SETD1A: variants seen among roughly 807,000 people sequenced by gnomAD.
The protein encoded by SETD1A is histone-lysine N-methyltransferase SETD1A.
Under a neutral mutation model 149.9 loss-of-function variants are expected in SETD1A, and 29 were observed. That is an observed-to-expected ratio of 0.19 (90% CI 0.14 to 0.26). The LOEUF (loss-of-function observed/expected upper bound fraction) is 0.26. Among genes scored for constraint, SETD1A ranks in the 10% least tolerant of loss-of-function variants. The pLI, the probability that SETD1A is intolerant of heterozygous loss-of-function variation, is 1.00. For synonymous variants in SETD1A, 1,141 were observed against 968.5 expected, an observed-to-expected ratio of 1.18 and a Z score of -3.31; for missense variants, 2,109 against 2,353.1, an observed-to-expected ratio of 0.90 and a Z score of 2.15.
Position 30,980,381 on chromosome 16 carries a change from C to T in SETD1A, c.4409-104C>T. 2.0e-6 allele frequency: 3 copies of T among 1,478,578 alleles called. No homozygotes were observed. The highest frequency in any genetic ancestry group is 2.7e-6 in the Non-Finnish European group (3 of 1,095,628). The allele number at this position is 1,478,578 out of a possible 1,614,324, so 91.6% of individuals were successfully genotyped here. A position where few individuals can be genotyped will look rare whatever the true frequency, so the allele number is the denominator to read the frequency against. ...AACGATGGGGCTGGGGCTTCCTCCC[C>T]TGTCCCTCACCTGGGTATGCTCAGC... On this transcript the variant is annotated intron_variant, in intron 14 of 18. Transcript: ENST00000262519. This position sits in a 1 kb window ranked among gnomAD's most constrained non-coding sequence, Gnocchi z 7.7.
At chr16:30,963,393 A>C in intron 4 of SETD1A, 40 bp from the exon 5 acceptor site, 1 of 1,558,100 alleles carries the variant, frequency 6.4e-7, no homozygotes, top group Non-Finnish European at 8.7e-7. Context: ...AGGAGTTAGT[A>C]TCTCCATCTG....
At chr16:30,968,158 A>C (rs1031914466) in intron 10 of SETD1A, among the ~76,000 whole-genome samples, 7 of 152,172 alleles carry the variant, frequency 4.6e-5, no homozygotes, top group Non-Finnish European at 8.8e-5. Context: ...TAATCCCAGC[A>C]CTTCCAGAGG....
intron 17 of SETD1A, 118 bp downstream of exon 17, chr16:30,981,298 C>A: frequency 1.5e-6 from 2 of 1,290,840 alleles, no homozygotes; most frequent in Non-Finnish European, 2.2e-6. Flanking sequence ...CGGTACCTAG[C>A]CAGTGAGACC....
At chr16:30,964,387 A>G in intron 6 of SETD1A, 64 bp downstream of exon 6, 1 of 1,415,620 alleles carries the variant, frequency 7.1e-7, no homozygotes, top group Non-Finnish European at 9.9e-7. Context: ...TGGGAAGAAG[A>G]TGCCCAGAGT....
chr16:30,972,661 C>T (rs1180355278), intron 13 of SETD1A, among the ~76,000 whole-genome samples: 3 of 149,616 alleles, frequency 2.0e-5, no homozygotes, highest in Non-Finnish European at 4.4e-5. Flanking sequence ...AAAGACCAGC[C>T]TGGGCAACAT....
In SETD1A at chr16:30,981,052, G is replaced by GC. The variant is rs1486030710; in HGVS notation, c.4693-3dup. The GC allele has an allele frequency of 1.1e-5, 17 of 1,614,000 alleles. No homozygotes were observed. The highest frequency in any genetic ancestry group is 2.2e-5 in the South Asian group (2 of 91,078). On this transcript the variant is annotated splice_polypyrimidine_tract_variant and intron_variant, in intron 16 of 18. Transcript: ENST00000262519. ...TGTCTGGCAGTTGAGTCTCCCTTCT[G>GC]CCCCCCAGTTCCGGAAGAAGAAGCT...
Position 30,979,484 on chromosome 16 carries a change from C to A in SETD1A, c.3698C>A (p.Ala1233Asp). The change falls in exon 14 of 19, where the codon GCT (alanine) becomes GAT (aspartate). Residue 1233 changes from alanine (A) to aspartate (D), a missense_variant. This residue lies in a region of SETD1A where 832 missense variants were observed against 815.6 expected (regional missense o/e 1.02). Coordinates refer to ENST00000262519, the MANE Select transcript of SETD1A (RefSeq NM_014712.3). Reference sequence around the variant, plus strand: ...GTGTCCCGAGGAGGCCGGAGCCGGGCTGGAGGCCGAGGCCGCCTCACCGAG... The same window carrying A: ...GTGTCCCGAGGAGGCCGGAGCCGGGATGGAGGCCGAGGCCGCCTCACCGAG... ...EEVSRGGRSRAGGRGRLTEEE... is the reference protein window; with the variant it reads ...EEVSRGGRSRDGGRGRLTEEE... 1 of 1,600,804 alleles carries A rather than the reference C, an allele frequency of 6.2e-7. No homozygotes were observed. The highest frequency in any genetic ancestry group is 8.5e-7 in the Non-Finnish European group (1 of 1,174,182).
Position 30,964,124 on chromosome 16 carries a change from A to T in SETD1A, c.670A>T (p.Thr224Ser). The change falls in exon 6 of 19, where the codon ACA becomes TCA. Residue 224 changes from threonine (T) to serine (S), a missense_variant. This residue lies in a region of SETD1A where 410 missense variants were observed against 394.8 expected (regional missense o/e 1.04). Coordinates refer to ENST00000262519, the MANE Select transcript of SETD1A (RefSeq NM_014712.3). ...AESRRRSSSD[T>S]AAYPAGTTAV... ...ATCCCGCCGCCGCTCTTCCTCTGAC[A>T]CAGCTGCCTACCCAGCAGGCACCAC... The T allele has an allele frequency of 3.7e-6, 6 of 1,613,846 alleles. No homozygotes were observed. The highest frequency in any genetic ancestry group is 5.1e-6 in the Non-Finnish European group (6 of 1,179,946).
rs750790917 is a variant in SETD1A at position 30,980,116 on chromosome 16, C to T, written c.4330C>T (p.Arg1444Trp). The T allele has an allele frequency of 1.1e-5, 18 of 1,613,342 alleles. No homozygotes were observed. The highest frequency in any genetic ancestry group is 6.7e-5 in the East Asian group (3 of 44,868). Residue 1444 changes from arginine to tryptophan, a missense_variant, in exon 14 of 19, where the codon CGG becomes TGG. Arg to Trp is a moderately radical substitution (Grantham distance 101, BLOSUM62 -3). Transcript: ENST00000262519. The surrounding 1 kb of genome is among the most constrained non-coding windows in gnomAD (Gnocchi z 7.7). ...GGACTCAGAGGACATGAGTTACCTG[C>T]GGCTTACGTACGAGCGGCTGCTGCA... ...GLDSEDMSYLRLTYERLLQQT... is the reference protein window; with the variant it reads ...GLDSEDMSYLWLTYERLLQQT...
intron 9 of SETD1A, among the ~76,000 whole-genome samples, 153 bp from the exon 10 acceptor site, chr16:30,967,348 T>A (rs1474055620): frequency 6.6e-6 from 1 of 152,134 alleles, no homozygotes; most frequent in Non-Finnish European, 1.5e-5. Flanking sequence ...GAGCTGGGGT[T>A]TCACTGTGTT....
intron 10 of SETD1A, among the ~76,000 whole-genome samples, chr16:30,968,617 A>G (rs2056183325): frequency 6.6e-6 from 1 of 151,882 alleles, no homozygotes; most frequent in Admixed American, 6.6e-5. Flanking sequence ...CCTGGCCAAC[A>G]TGGTGAAACC....
chr16:30,983,912 G>A lies in SETD1A; in HGVS notation c.5013G>A (p.Lys1671=). 8.1e-6 allele frequency: 13 copies of A among 1,613,674 alleles called. No homozygotes were observed. Among genetic ancestry groups the A allele is most frequent in the Non-Finnish European group, 1.1e-5 (13 of 1,179,784 alleles). Residue 1671 remains lysine (K), a synonymous_variant, in exon 19 of 19, where the codon AAG becomes AAA. Coordinates refer to ENST00000262519, the MANE Select transcript of SETD1A (RefSeq NM_014712.3). This position sits in a 1 kb window ranked among gnomAD's most constrained non-coding sequence, Gnocchi z 6.8. ...AGAAGAAGATCGTGATCTACTCCAA[G>A]CAGCCCATTGGCGTGGACGAGGAGA... ...ESQKKIVIYS[K]QPIGVDEEIT... is the part of the protein sequence containing the mutation.
In SETD1A at chr16:30,969,514, A is replaced by G. The variant is rs146117546; in HGVS notation, c.2928+52A>G. ...CCGAAGCCTACTTCCCATAGCCAGC[A>G]TCTTTGTGGTTGGAGCCCAGGCAGC... On this transcript the variant is annotated intron_variant, in intron 11 of 18. Coordinates refer to ENST00000262519, the MANE Select transcript of SETD1A (RefSeq NM_014712.3). 122 of 1,600,016 alleles carry G rather than the reference A, an allele frequency of 7.6e-5. No homozygotes were observed. The East Asian group carries it at 2.2e-3, about 29-fold the overall frequency.
Position 30,971,634 on chromosome 16 carries a change from T to C in SETD1A, c.3273T>C (p.Pro1091=). 6.2e-7 allele frequency: 1 copy of C among 1,612,386 alleles called. No individual in the cohort carries two copies. Among genetic ancestry groups the C allele is most frequent in the East Asian group, 2.2e-5 (1 of 44,814 alleles). ...AAGTCCCAGTGCCCACGCCAGCACC[T>C]GTGGAGGTGCCAGTGCCGGAAAGGG... The part of the protein sequence containing the change: ...PREVPVPTPA[P]VEVPVPERVA... The change falls in exon 13 of 19, where the codon CCT becomes CCC. Residue 1091 remains proline, a synonymous_variant. Transcript: ENST00000262519.
At position 30,979,079 on chromosome 16, in the gene SETD1A, G is replaced by C; in HGVS notation, c.3359-66G>C. On this transcript the variant is annotated intron_variant, in intron 13 of 18. Transcript: ENST00000262519. ...GGAGAGCACACAGCCTGTGGTCATG[G>C]GCGGCCAGGGTGGCTGAGCCTGGGT... The C allele has an allele frequency of 4.8e-6, 7 of 1,457,078 alleles. No individual in the cohort carries two copies. The South Asian group carries it at 9.8e-5, about 20-fold the overall frequency. The allele number at this position is 1,457,078 out of a possible 1,614,324, so 90.3% of individuals were successfully genotyped here. A position where few individuals can be genotyped will look rare whatever the true frequency, so the allele number is the denominator to read the frequency against.
chr16:30,967,456 AGTGTT>A, intron 9 of SETD1A, 40 bp from the exon 10 acceptor site: 1 of 1,564,764 alleles, frequency 6.4e-7, no homozygotes, highest in Non-Finnish European at 8.8e-7. Context: ...GCTCTGCCTG[AGTGTT>A]TGAGCTCTAA....
chr16:30,979,446 T>C lies in SETD1A; in HGVS notation c.3660T>C (p.Ser1220=). ...TGGACCACGCATCTCTGGTCAAGAG[T>C]TGGCCCGAGGAGGTGTCCCGAGGAG... The part of the protein sequence containing the change: ...LPLDHASLVK[S]WPEEVSRGGR... The change falls in exon 14 of 19, where the codon AGT becomes AGC. Residue 1220 remains serine (S), a synonymous_variant. Coordinates refer to ENST00000262519, the MANE Select transcript of SETD1A (RefSeq NM_014712.3). 5 of 1,605,332 alleles carry C rather than the reference T, an allele frequency of 3.1e-6. No individual in the cohort carries two copies. Among genetic ancestry groups the C allele is most frequent in the Non-Finnish European group, 4.3e-6 (5 of 1,176,128 alleles).
chr16:30,970,358 C>T (rs1173432962), intron 12 of SETD1A, among the ~76,000 whole-genome samples: 5 of 151,766 alleles, frequency 3.3e-5, no homozygotes, highest in African/African-American at 1.2e-4. Flanking sequence ...ACCTCCGCCT[C>T]CCTGGTTCCA....
Position 30,979,292 on chromosome 16 carries a change from C to T in SETD1A, c.3506C>T (p.Ser1169Phe). 6.2e-7 allele frequency: 1 copy of T among 1,611,520 alleles called. No homozygotes were observed. The highest frequency in any genetic ancestry group is 8.5e-7 in the Non-Finnish European group (1 of 1,178,848). ...PPPKKRRKTV[S>F]FSAIEVVPAP... ...CCCAAGAAACGCCGGAAAACTGTCT[C>T]CTTCTCTGCCATCGAGGTGGTGCCA... Residue 1169 changes from serine (S) to phenylalanine (F), a missense_variant, in exon 14 of 19, where the codon TCC becomes TTC. Transcript: ENST00000262519.
Sources: gnomAD v4.1 joint callset for allele counts (sites outside exome capture counted in the v4.1 genomes callset) on GRCh38, gnomAD v4.1.1 for gene constraint, gnomAD v4.1.1 regional missense constraint, Gnocchi (gnomAD v3.1) non-coding constraint, MANE v1.5 for transcripts, NCBI Gene and HGNC (gene_info 2026-07-23, HGNC 2026-07-21) for gene names.